Variants in CFAP20DC observed in about 807,000 individuals in gnomAD.
CFAP20DC encodes the protein CFAP20 domain containing.
CFAP20DC carries 84 observed loss-of-function variants against 101.7 expected under a neutral mutation model. The observed-to-expected ratio is 0.83, with a 90% confidence interval of 0.69 to 0.99. The LOEUF (loss-of-function observed/expected upper bound fraction) is 0.99. Ranked by LOEUF, CFAP20DC falls within the 50% of genes least tolerant of loss-of-function variation. CFAP20DC has a pLI of 0.00. For missense variants in CFAP20DC, 1,007 were observed against 970.3 expected, an observed-to-expected ratio of 1.04 and a Z score of -0.50; for synonymous variants, 359 against 351.2, an observed-to-expected ratio of 1.02 and a Z score of -0.25.
chr3:59,010,935 A>G (rs1310666730), intron 4 of CFAP20DC, among the ~76,000 whole-genome samples: 1 of 152,220 alleles, frequency 6.6e-6, no homozygotes, highest in Non-Finnish European at 1.5e-5. Context: ...ATAAATGGAA[A>G]TTAAATAAGC....
At chr3:58,793,242 T>A (rs1015819688) in intron 15 of CFAP20DC, among the ~76,000 whole-genome samples, 2 of 152,170 alleles carry the variant, frequency 1.3e-5, no homozygotes, top group African/African-American at 4.8e-5. Context: ...AATCTGTTAA[T>A]CTACTCTTCG....
chr3:59,002,535 A>T lies in CFAP20DC; in HGVS notation c.278+37022T>A, dbSNP rs2093338584. ...AATATCCATGTACACCCTGGTCATC[A>T]TAACAAAAAGAAAATAAAAGTTACT... On this transcript the variant is annotated intron_variant, in intron 4 of 16. Transcript: ENST00000482387. This position sits in a 1 kb window ranked among gnomAD's most constrained non-coding sequence, Gnocchi z 4.5. 6.6e-6 allele frequency among the ~76,000 whole-genome samples: 1 copy of T among 152,232 alleles called. No individual in the cohort carries two copies. Among genetic ancestry groups the T allele is most frequent in the African/African-American group, 2.4e-5 (1 of 41,464 alleles).
intron 15 of CFAP20DC, among the ~76,000 whole-genome samples, chr3:58,764,668 C>T (rs573030671): frequency 1.2e-3 from 187 of 151,808 alleles, no homozygotes; most frequent in Admixed American, 3.9e-3. Context: ...TGGCTCCACC[C>T]GACTATAATC....
chr3:58,876,357 T>C (rs1422786704), intron 7 of CFAP20DC, among the ~76,000 whole-genome samples: 1 of 151,996 alleles, frequency 6.6e-6, no homozygotes, highest in Non-Finnish European at 1.5e-5. Flanking sequence ...AAATAAAAAG[T>C]AGATGAGACA....
chr3:58,989,905 T>C (rs1330841914), intron 4 of CFAP20DC, among the ~76,000 whole-genome samples: 1 of 152,196 alleles, frequency 6.6e-6, no homozygotes, highest in East Asian at 1.9e-4. Flanking sequence ...GAAAAAATCA[T>C]GACCTCTGAG....
chr3:58,938,567 G>C (rs2088042584), intron 4 of CFAP20DC, among the ~76,000 whole-genome samples: 1 of 152,104 alleles, frequency 6.6e-6, no homozygotes, highest in African/African-American at 2.4e-5. Flanking sequence ...ACTTTGTTTA[G>C]ACACATTACA....
intron 3 of CFAP20DC, among the ~76,000 whole-genome samples, chr3:58,719,905 A>G (rs2067447293): frequency 6.6e-6 from 1 of 152,216 alleles, no homozygotes; most frequent in Admixed American, 6.5e-5. Context: ...CTGTCCTCGG[A>G]CAAGCCAAAC....
rs373207749 is a variant in CFAP20DC at position 58,869,479 on chromosome 3, G to A, written c.864C>T (p.Ser288=). The A allele has an allele frequency of 3.0e-5, 48 of 1,608,532 alleles. No individual in the cohort carries two copies. Among genetic ancestry groups the A allele is most frequent in the Middle Eastern group, 1.7e-4 (1 of 6,032 alleles). ...NMKISSETVR[S]VGSKNNRSCQ... Reference sequence around the variant, plus strand: ...ATGATCGGTTATTTTTGGACCCAACGGATCTCACTGTCTGTAAAGGAATTA... The same window carrying A: ...ATGATCGGTTATTTTTGGACCCAACAGATCTCACTGTCTGTAAAGGAATTA... The change falls in exon 9 of 17, where the codon TCC becomes TCT. Residue 288 remains serine (S), a synonymous_variant. Coordinates refer to ENST00000482387, the MANE Select transcript of CFAP20DC (RefSeq NM_001394063.1). The surrounding 1 kb of genome is among the most constrained non-coding windows in gnomAD (Gnocchi z 4.3).
At chr3:58,853,054 T>C (rs2078405794) in intron 12 of CFAP20DC, among the ~76,000 whole-genome samples, 1 of 152,126 alleles carries the variant, frequency 6.6e-6, no homozygotes, top group Non-Finnish European at 1.5e-5. Flanking sequence ...AGCTGGTTTT[T>C]TGAAAGGATC....
At chr3:58,888,662 T>A (rs2081876460) in intron 6 of CFAP20DC, among the ~76,000 whole-genome samples, 1 of 152,212 alleles carries the variant, frequency 6.6e-6, no homozygotes, top group African/African-American at 2.4e-5. Context: ...CAGTATTTGG[T>A]TTTCTGTTCC....
At chr3:59,029,319 T>G (rs1184723045) in intron 4 of CFAP20DC, among the ~76,000 whole-genome samples, 1 of 152,120 alleles carries the variant, frequency 6.6e-6, no homozygotes, top group Non-Finnish European at 1.5e-5. Flanking sequence ...ATAATAATTA[T>G]AAACTGTTAC....
chr3:58,815,496 A>G (rs2107831112), intron 14 of CFAP20DC, among the ~76,000 whole-genome samples: 1 of 150,418 alleles, frequency 6.6e-6, no homozygotes, highest in East Asian at 1.9e-4. Flanking sequence ...ACAAAAGCCA[A>G]AATTGACAAA....
chr3:58,804,757 T>C (rs138994497), intron 15 of CFAP20DC, among the ~76,000 whole-genome samples: 3 of 152,302 alleles, frequency 2.0e-5, no homozygotes, highest in Non-Finnish European at 4.4e-5. Flanking sequence ...GTTAGGCAAA[T>C]CTAGATGAGC....
chr3:58,831,828 G>C lies in CFAP20DC; in HGVS notation c.2033C>G (p.Ala678Gly), dbSNP rs763626130. The part of the protein sequence containing the change: ...QMSESELQML[A>G]SLRWQQNEEL... ...TTCATTTTGTTGCCACCGTAGGCTT[G>C]CTAGCATCTGTAACTCGGATTCACT... Residue 678 changes from alanine to glycine, a missense_variant, in exon 14 of 17, where the codon GCA (alanine) becomes GGA (glycine). Ala to Gly is a moderately conservative substitution (Grantham distance 60). Coordinates refer to ENST00000482387, the MANE Select transcript of CFAP20DC (RefSeq NM_001394063.1). The C allele has an allele frequency of 5.0e-6, 8 of 1,614,098 alleles. No homozygotes were observed. Among genetic ancestry groups the C allele is most frequent in the Non-Finnish European group, 6.8e-6 (8 of 1,179,986 alleles).
At chr3:58,889,722 T>A (rs529174554) in intron 6 of CFAP20DC, among the ~76,000 whole-genome samples, 1 of 136,134 alleles carries the variant, frequency 7.3e-6, no homozygotes, top group East Asian at 2.1e-4. Context: ...TTTGTGTCCC[T>A]GATTACTTGA....
chr3:58,969,091 T>C (rs1051079167), intron 4 of CFAP20DC, among the ~76,000 whole-genome samples: 2 of 152,208 alleles, frequency 1.3e-5, no homozygotes, highest in African/African-American at 4.8e-5. Context: ...ACCAGTACCA[T>C]GCGTTTTGGT....
chr3:58,890,476 C>T (rs1179655370), intron 6 of CFAP20DC, among the ~76,000 whole-genome samples: 12 of 143,802 alleles, frequency 8.3e-5, no homozygotes, highest in Admixed American at 1.4e-4. Flanking sequence ...GGCGGCTGGT[C>T]GGGCAGAGGG....
At chr3:58,902,401 T>C (rs2083225645) in intron 6 of CFAP20DC, among the ~76,000 whole-genome samples, 2 of 152,192 alleles carry the variant, frequency 1.3e-5, no homozygotes, top group African/African-American at 4.8e-5. Context: ...AACGATTTTA[T>C]GTTCCTACCA....
chr3:58,796,777 T>C (rs989791219), intron 15 of CFAP20DC, among the ~76,000 whole-genome samples: 6 of 152,218 alleles, frequency 3.9e-5, no homozygotes, highest in African/African-American at 1.4e-4. Context: ...AGTTTATCAG[T>C]GTCATTTATC....
Sources: gnomAD v4.1 joint callset for allele counts (sites outside exome capture counted in the v4.1 genomes callset) on GRCh38, gnomAD v4.1.1 for gene constraint, Gnocchi (gnomAD v3.1) non-coding constraint, MANE v1.5 for transcripts, NCBI Gene and HGNC (gene_info 2026-07-23, HGNC 2026-07-21) for gene names.